DAPK3: variants seen among roughly 807,000 people sequenced by gnomAD.
The protein encoded by DAPK3 is death associated protein kinase 3.
DAPK3 carries 24 observed loss-of-function variants against 30.6 expected under a neutral mutation model. That is an observed-to-expected ratio of 0.78 (90% CI 0.57 to 1.10). The LOEUF is 1.10. Among genes scored for constraint, DAPK3 ranks in the 50% least tolerant of loss-of-function variants. DAPK3 has a pLI of 0.00. For missense variants in DAPK3, 629 were observed against 657.3 expected (o/e 0.96, Z 0.47); for synonymous variants, 341 against 284.0 (o/e 1.20, Z -2.02).
rs539126124 is a variant in DAPK3, at chr19:3,961,234, A to C, written c.630-73T>G. ...GGCCGCGCCGCCTCTCCGGCTGCCC[A>C]CGACAGGCGGAGCACAGAAGACAGG... On this transcript the variant is annotated intron_variant, in intron 6 of 8. Coordinates refer to ENST00000545797, the MANE Select transcript of DAPK3 (RefSeq NM_001348.3). The C allele has an allele frequency of 1.4e-5, 18 of 1,272,608 alleles. No individual in the cohort carries two copies. In the East Asian group the frequency reaches 4.1e-4, roughly 29 times the overall value. 78.8% of individuals were successfully genotyped at this position (1,272,608 alleles called of 1,614,324 possible).
chr19:3,959,517 T>G lies in DAPK3; in HGVS notation c.949A>C (p.Asn317His), dbSNP rs1216259280. Reference protein sequence around the residue: ...IKSHSSLPPNNSYADFERFSK... With the variant: ...IKSHSSLPPNHSYADFERFSK... ...AAGCGCTCGAAGTCGGCGTAGCTGT[T>G]GTTGGGCGGCAAGCTGGAGTGCGAC... Residue 317 changes from asparagine (N) to histidine (H), a missense_variant, in exon 9 of 9, where the codon AAC becomes CAC. By Grantham distance (68) the Asn-to-His change is moderately conservative (BLOSUM62 1). Transcript: ENST00000545797. 2 of 1,568,910 alleles carry G rather than the reference T, an allele frequency of 1.3e-6. No individual in the cohort carries two copies. Among genetic ancestry groups the G allele is most frequent in the South Asian group, 1.2e-5 (1 of 86,838 alleles).
At chr19:3,961,460 A>G in intron 6 of DAPK3, 1 of 562,864 alleles carries the variant, frequency 1.8e-6, no homozygotes, top group Non-Finnish European at 3.6e-6. Context: ...AGTGCTCAGT[A>G]ACGCCGAGGG....
At chr19:3,964,148 G>A (rs1490901512) in intron 4 of DAPK3, 96 bp downstream of exon 4, 18 of 1,148,094 alleles carry the variant, frequency 1.6e-5, no homozygotes, top group South Asian at 1.2e-4. Flanking sequence ...GGCCGAGGAC[G>A]CGGCACCCAG....
intron 2 of DAPK3, among the ~76,000 whole-genome samples, chr19:3,966,504 C>T (rs1394498833): frequency 6.6e-6 from 1 of 152,166 alleles, no homozygotes; most frequent in Non-Finnish European, 1.5e-5. Context: ...GATCCAGGCT[C>T]GCGGCAGGGG....
At chr19:3,967,023 G>A (rs1425529264) in intron 2 of DAPK3, among the ~76,000 whole-genome samples, 2 of 152,196 alleles carry the variant, frequency 1.3e-5, no homozygotes, top group African/African-American at 2.4e-5. Context: ...TGGGGGCACA[G>A]CAAGCCCTCC....
chr19:3,967,465 T>G (rs1292666754), intron 2 of DAPK3, among the ~76,000 whole-genome samples: 2 of 141,502 alleles, frequency 1.4e-5, no homozygotes, highest in African/African-American at 5.3e-5. Context: ...AAAAAAAGTG[T>G]GGGCTGGGGC....
At position 3,964,338 on chromosome 19, in the gene DAPK3, G is replaced by C; in HGVS notation, c.459C>G (p.Pro153=). ...ENIMLLDKNV[P]NPRIKLIDFG... ...AGTCGATGAGCTTGATTCGTGGGTTGGGCACGTTCTTGTCCAGCAGCATGA... is the reference window on the plus strand; with the variant it reads ...AGTCGATGAGCTTGATTCGTGGGTTCGGCACGTTCTTGTCCAGCAGCATGA... Residue 153 remains proline (P), a synonymous_variant, in exon 4 of 9, where the codon CCC becomes CCG. Transcript: ENST00000545797. 1 of 1,613,150 alleles carries C rather than the reference G, an allele frequency of 6.2e-7. No homozygotes were observed. Among genetic ancestry groups the C allele is most frequent in the Non-Finnish European group, 8.5e-7 (1 of 1,179,146 alleles).
chr19:3,958,575 C>A lies in DAPK3; in HGVS notation c.*526G>T, dbSNP rs765792982. The A allele has an allele frequency of 8.8e-6, 4 of 452,340 alleles. No homozygotes were observed. The highest frequency in any genetic ancestry group is 4.8e-5 in the Admixed American group (2 of 42,036). 28.0% of individuals were successfully genotyped at this position (452,340 alleles called of 1,614,324 possible). A position where few individuals can be genotyped will look rare whatever the true frequency, so the allele number is the denominator to read the frequency against. On this transcript the variant is annotated 3_prime_UTR_variant, in exon 9 of 9. Transcript: ENST00000545797. ...GCAGGGCACCCCACACCCGGGGGACCGGCCTCGGCGAGAAGGGCACACAGT... is the reference window on the plus strand; with the variant it reads ...GCAGGGCACCCCACACCCGGGGGACAGGCCTCGGCGAGAAGGGCACACAGT...
intron 6 of DAPK3, among the ~76,000 whole-genome samples, chr19:3,963,202 G>A (rs2039537191): frequency 6.6e-6 from 1 of 152,052 alleles, no homozygotes; most frequent in African/African-American, 2.4e-5. Context: ...AAGTCTGGGA[G>A]GTGGAGGCTG....
intron 6 of DAPK3, chr19:3,961,915 G>A (rs755384234): frequency 5.9e-5 from 11 of 185,352 alleles, no homozygotes; most frequent in Non-Finnish European, 1.0e-4. Context: ...CTGGAGTGCA[G>A]TAGCGCGATC....
In DAPK3 at chr19:3,961,396, A is replaced by ACTTC. The variant is rs201792747; in HGVS notation, c.630-236_630-235insGAAG. ...GACAGCAGCAGAAATGAACAGGCAG[A>ACTTC]AGTCTCCTTGGAGACTCGAAGTATC... On this transcript the variant is annotated intron_variant, in intron 6 of 8. Transcript: ENST00000545797. 4.4e-3 allele frequency: 2,939 copies of ACTTC among 674,826 alleles called. 63 individuals are homozygous for ACTTC. In the African/African-American group the frequency reaches 0.045, roughly 10 times the overall value. The allele number at this position is 674,826 out of a possible 1,614,324, so 41.8% of individuals were successfully genotyped here. A position where few individuals can be genotyped will look rare whatever the true frequency, so the allele number is the denominator to read the frequency against.
chr19:3,959,675 G>T, intron 8 of DAPK3, 38 bp from the exon 9 acceptor site: 1 of 1,507,528 alleles, frequency 6.6e-7, no homozygotes, highest in Non-Finnish European at 8.8e-7. Context: ...TCCCCGCGAT[G>T]CCACCCAGCC....
chr19:3,964,694 G>C lies in DAPK3; in HGVS notation c.360C>G (p.Leu120=). 2 of 1,610,972 alleles carry C rather than the reference G, an allele frequency of 1.2e-6. No homozygotes were observed. Among genetic ancestry groups the C allele is most frequent in the Non-Finnish European group, 1.7e-6 (2 of 1,178,782 alleles). The change falls in exon 3 of 9, where the codon CTC becomes CTG. Residue 120 remains leucine, a synonymous_variant. Transcript: ENST00000545797. ...AGTGAACGCCGTCCAGGATCTGCTT[G>C]AGGAACTGGGTGGCCTCGTCCTCCG... ...SLTEDEATQF[L]KQILDGVHYL...
In DAPK3 at chr19:3,959,376, C is replaced by T; in HGVS notation, c.1090G>A (p.Glu364Lys). The part of the protein sequence containing the change: ...EALAAIYEEK[E>K]AWYREESDSL... ...TCGCTCTCCTCGCGGTACCAGGCCT[C>T]CTTCTCCTCGTAGATGGCGGCCAGC... Residue 364 changes from glutamate (E) to lysine (K), a missense_variant, in exon 9 of 9, where the codon GAG becomes AAG. Transcript: ENST00000545797. The T allele has an allele frequency of 1.3e-6, 2 of 1,579,178 alleles. No homozygotes were observed. Among genetic ancestry groups the T allele is most frequent in the East Asian group, 2.3e-5 (1 of 43,968 alleles).
At chr19:3,959,999 G>A (rs1473165794) in intron 8 of DAPK3, 60 bp downstream of exon 8, 1 of 942,050 alleles carries the variant, frequency 1.1e-6, no homozygotes, top group African/African-American at 1.6e-5. Context: ...AGGCCCCCCG[G>A]GACCCCAGCG....
intron 6 of DAPK3, chr19:3,961,663 A>C (rs1406507517): frequency 1.6e-5 from 6 of 379,318 alleles, no homozygotes. Flanking sequence ...AGCGCACGAG[A>C]CTAAACGTGG....
chr19:3,959,211 G>T lies in DAPK3; in HGVS notation c.1255C>A (p.Arg419Ser). ...LKRRFSRLEN[R>S]YEALAKQVAS... is the part of the protein sequence containing the mutation. ...ACTTGCTTGGCCAGCGCCTCGTAGC[G>T]GTTCTCCAGGCGGCTGAAGCGGCGC... Residue 419 changes from arginine (R) to serine (S), a missense_variant, in exon 9 of 9, where the codon CGC becomes AGC. By Grantham distance (110) the Arg-to-Ser change is moderately radical. This residue lies in a region of DAPK3 where 323 missense variants were observed against 278.8 expected (regional missense o/e 1.16). Transcript: ENST00000545797. 6.2e-7 allele frequency: 1 copy of T among 1,600,582 alleles called. No individual in the cohort carries two copies. The highest frequency in any genetic ancestry group is 1.1e-5 in the South Asian group (1 of 90,408).
chr19:3,959,631 G>C lies in DAPK3; in HGVS notation c.835C>G (p.Arg279Gly). 4.4e-6 allele frequency: 7 copies of C among 1,577,638 alleles called. No homozygotes were observed. Among genetic ancestry groups the C allele is most frequent in the Non-Finnish European group, 6.0e-6 (7 of 1,168,636 alleles). Residue 279 changes from arginine to glycine, a missense_variant, in exon 9 of 9, where the codon CGG (arginine) becomes GGG (glycine). Transcript: ENST00000545797. The part of the protein sequence containing the change: ...SLEHSWIKAI[R>G]RRNVRGEDSG... ...TCCTCACCACGCACGTTCCGCCGCC[G>C]GATCGCCTAGGAAGGAGGGAAGCCT...
chr19:3,959,227 G>A lies in DAPK3; in HGVS notation c.1239C>T (p.Phe413=). 1 of 1,600,784 alleles carries A rather than the reference G, an allele frequency of 6.2e-7. No individual in the cohort carries two copies. The change falls in exon 9 of 9, where the codon TTC becomes TTT. Residue 413 remains phenylalanine (F), a synonymous_variant. Transcript: ENST00000545797. Reference sequence around the variant, plus strand: ...CCTCGTAGCGGTTCTCCAGGCGGCTGAAGCGGCGCTTGAGGCCGCTGGTCC... The same window carrying A: ...CCTCGTAGCGGTTCTCCAGGCGGCTAAAGCGGCGCTTGAGGCCGCTGGTCC... ...LLGTSGLKRR[F]SRLENRYEAL...
Sources: gnomAD v4.1 joint callset for allele counts (sites outside exome capture counted in the v4.1 genomes callset) on GRCh38, gnomAD v4.1.1 for gene constraint, gnomAD v4.1.1 regional missense constraint, MANE v1.5 for transcripts, NCBI Gene and HGNC (gene_info 2026-07-23, HGNC 2026-07-21) for gene names.